The following EPHA5 variants were observed in gnomAD, a reference collection of about 807,000 sequenced individuals.
EPHA5 encodes EPH receptor A5.
A neutral mutation model predicts 105.0 loss-of-function variants in EPHA5; 60 were observed. That is an observed-to-expected ratio of 0.57 (90% CI 0.46 to 0.71). EPHA5 has a LOEUF of 0.71. Among genes scored for constraint, EPHA5 ranks in the 30% least tolerant of loss-of-function variants. EPHA5 has a pLI of 0.00. For missense variants in EPHA5, 1,218 were observed against 1,274.7 expected (o/e 0.96, Z 0.68); for synonymous variants, 513 against 449.1 (o/e 1.14, Z -1.80).
intron 5 of EPHA5, among the ~76,000 whole-genome samples, chr4:65,452,655 A>G (rs903070651): frequency 6.6e-6 from 1 of 152,232 alleles, no homozygotes; most frequent in East Asian, 1.9e-4. Context: ...AAATGTGTAA[A>G]CATTCACTTA....
chr4:65,441,116 A>G (rs1725969678), intron 5 of EPHA5, among the ~76,000 whole-genome samples: 1 of 152,142 alleles, frequency 6.6e-6, no homozygotes, highest in African/African-American at 2.4e-5. Context: ...CTGTCAATAT[A>G]CTATATTAAT....
intron 5 of EPHA5, among the ~76,000 whole-genome samples, chr4:65,476,627 G>A (rs970663649): frequency 3.3e-5 from 5 of 152,058 alleles, no homozygotes; most frequent in Middle Eastern, 3.2e-3. Flanking sequence ...ATAACTTTTA[G>A]GTAGTATGCT....
At chr4:65,527,649 C>G (rs1735366866) in intron 3 of EPHA5, among the ~76,000 whole-genome samples, 1 of 152,054 alleles carries the variant, frequency 6.6e-6, no homozygotes, top group Admixed American at 6.6e-5. Flanking sequence ...GCTACTGGAA[C>G]ATACTAGGAA....
intron 5 of EPHA5, among the ~76,000 whole-genome samples, chr4:65,453,541 A>G (rs1727267488): frequency 6.6e-6 from 1 of 152,146 alleles, no homozygotes. Flanking sequence ...GGGTAAGTGG[A>G]CTTAAGCACG....
chr4:65,631,775 A>G (rs1192538748), intron 2 of EPHA5, among the ~76,000 whole-genome samples: 1 of 151,784 alleles, frequency 6.6e-6, no homozygotes, highest in African/African-American at 2.4e-5. Context: ...ATAAGACTAT[A>G]TTATGGATAA....
At chr4:65,476,536 C>G (rs1201852946) in intron 5 of EPHA5, among the ~76,000 whole-genome samples, 2 of 152,042 alleles carry the variant, frequency 1.3e-5, no homozygotes, top group East Asian at 1.9e-4. Context: ...ACATTGGGAA[C>G]TCATTGACAT....
At chr4:65,491,260 C>T (rs1731374818) in intron 4 of EPHA5, among the ~76,000 whole-genome samples, 1 of 150,940 alleles carries the variant, frequency 6.6e-6, no homozygotes, top group South Asian at 2.1e-4. Context: ...TTTGAAACCC[C>T]CTACTGTATA....
chr4:65,393,138 T>G (rs1342151313), intron 8 of EPHA5, among the ~76,000 whole-genome samples: 1 of 152,156 alleles, frequency 6.6e-6, no homozygotes, highest in Non-Finnish European at 1.5e-5. Flanking sequence ...TGAGAGATAA[T>G]ATGAAGCTTT....
At chr4:65,640,606 T>C (rs1747579067) in intron 2 of EPHA5, among the ~76,000 whole-genome samples, 1 of 152,136 alleles carries the variant, frequency 6.6e-6, no homozygotes, top group Non-Finnish European at 1.5e-5. Flanking sequence ...CTCTATTAGC[T>C]TACATACCAG....
intron 14 of EPHA5, among the ~76,000 whole-genome samples, chr4:65,342,751 C>A (rs1721855429): frequency 6.6e-6 from 1 of 150,604 alleles, no homozygotes; most frequent in Admixed American, 6.7e-5. Flanking sequence ...TATACATACA[C>A]ATATAATTTA....
chr4:65,322,397 T>C lies in EPHA5; in HGVS notation c.*1717A>G, dbSNP rs1577799121. On this transcript the variant is annotated 3_prime_UTR_variant, in exon 17 of 17. Transcript: ENST00000613740. ...TAATATAACGTGGCTATATTTCTGA[T>C]AAATTTCATTAATCCAGGCTTCTCT... is the stretch of plus-strand genomic sequence containing the variant. 4.4e-6 allele frequency: 1 copy of C among 225,382 alleles called. No individual in the cohort carries two copies. Among genetic ancestry groups the C allele is most frequent in the Admixed American group, 5.7e-5 (1 of 17,450 alleles). 14.0% of individuals were successfully genotyped at this position (225,382 alleles called of 1,614,324 possible).
At chr4:65,415,722 C>G (rs1163915908) in intron 6 of EPHA5, among the ~76,000 whole-genome samples, 1 of 151,916 alleles carries the variant, frequency 6.6e-6, no homozygotes. Context: ...GCCAAGGATT[C>G]AAAGTAGGTA....
At chr4:65,578,629 C>T (rs562687974) in intron 3 of EPHA5, among the ~76,000 whole-genome samples, 10 of 152,088 alleles carry the variant, frequency 6.6e-5, no homozygotes, top group Non-Finnish European at 1.3e-4. Flanking sequence ...TAAAAAGAAA[C>T]CTTTAATTTT....
At position 65,551,337 on chromosome 4, in the gene EPHA5, A is replaced by T. The variant is rs375083517; in HGVS notation, c.910+50304T>A. ...TATCATTTATTATCTAAACCTATTTATGTTTGAGAGTGAAAGGAATCAGTT... is the reference window on the plus strand; with the variant it reads ...TATCATTTATTATCTAAACCTATTTTTGTTTGAGAGTGAAAGGAATCAGTT... On this transcript the variant is annotated intron_variant, in intron 3 of 16. Coordinates refer to ENST00000613740, the MANE Select transcript of EPHA5 (RefSeq NM_001281766.3). 6.0e-5 allele frequency among the ~76,000 whole-genome samples: 9 copies of T among 150,780 alleles called. No homozygotes were observed. The South Asian group carries it at 1.7e-3, about 28-fold the overall frequency.
chr4:65,385,637 G>T (rs1720004247), intron 8 of EPHA5, among the ~76,000 whole-genome samples: 1 of 151,718 alleles, frequency 6.6e-6, no homozygotes, highest in Admixed American at 6.6e-5. Context: ...TAAATATTGT[G>T]CTGGTGATAA....
At chr4:65,434,933 A>T (rs1028816341) in intron 5 of EPHA5, among the ~76,000 whole-genome samples, 2 of 152,244 alleles carry the variant, frequency 1.3e-5, no homozygotes, top group East Asian at 3.9e-4. Context: ...CAGCCAGCCA[A>T]TGTCTTGTTT....
intron 1 of EPHA5, among the ~76,000 whole-genome samples, chr4:65,656,586 AT>A (rs1749084498): frequency 6.8e-6 from 1 of 147,214 alleles, no homozygotes; most frequent in African/African-American, 2.5e-5. Flanking sequence ...TTATATATAT[AT>A]TATATATATA....
intron 2 of EPHA5, among the ~76,000 whole-genome samples, chr4:65,607,183 T>A (rs970717828): frequency 5.0e-5 from 7 of 141,228 alleles, no homozygotes; most frequent in African/African-American, 9.6e-5. Context: ...TCACTGATGT[T>A]TTTTTTAAAG....
At chr4:65,638,933 A>G (rs539595426) in intron 2 of EPHA5, among the ~76,000 whole-genome samples, 5 of 152,350 alleles carry the variant, frequency 3.3e-5, no homozygotes. Context: ...TTTCTTTAAA[A>G]CAATGTTAAT....
Sources: allele counts gnomAD v4.1 joint callset (sites outside exome capture counted in the v4.1 genomes callset), GRCh38; gene constraint gnomAD v4.1.1; transcripts MANE v1.5; gene names NCBI Gene and HGNC (gene_info 2026-07-23, HGNC 2026-07-21).